DOK4: variants seen among roughly 807,000 people sequenced by gnomAD.
DOK4 encodes the protein docking protein 4, also known as downstream of tyrosine kinase 4.
In DOK4, 26 loss-of-function variants were observed where a neutral mutation model predicts 40.1. The ratio of observed to expected loss-of-function variants is 0.65; its 90% confidence interval spans 0.48 to 0.90. The LOEUF is 0.90. DOK4 is among the 40% of genes least tolerant of loss of function. The pLI is 0.00. For synonymous variants in DOK4, 179 were observed against 177.0 expected (o/e 1.01, Z -0.09); for missense variants, 392 against 437.2 (o/e 0.90, Z 0.92).
chr16:57,473,154 A>C (rs1262474319), exon 9 of DOK4: 1 of 592,842 alleles, frequency 1.7e-6, no homozygotes, highest in Non-Finnish European at 2.9e-6. Context: ...AAAATCATTA[A>C]CAGTATATAG....
intron 1 of DOK4, chr16:57,484,290 C>T (rs1217281857): frequency 1.3e-5 from 2 of 152,278 alleles, no homozygotes; most frequent in Non-Finnish European, 2.9e-5. Context: ...ATCTCAGTGT[C>T]GTCTGGCTGT....
exon 7 of DOK4, chr16:57,473,938 T>C (rs2031014760): frequency 6.2e-7 from 1 of 1,608,308 alleles, no homozygotes; most frequent in Non-Finnish European, 8.5e-7. Context: ...GACCCGCTTG[T>C]GCTGCTCTGC....
At chr16:57,473,376 G>C (rs1244081369) in exon 9 of DOK4, 1 of 1,612,770 alleles carries the variant, frequency 6.2e-7, no homozygotes, top group East Asian at 2.2e-5. Flanking sequence ...CAGCACTGTG[G>C]TCACTGGGAT....
chr16:57,484,813 C>T (rs190910766), intron 1 of DOK4, among the ~76,000 whole-genome samples: 216 of 152,322 alleles, frequency 1.4e-3, no homozygotes, highest in African/African-American at 4.5e-3. Context: ...ACATCAGATG[C>T]GGCTGTCTTC....
chr16:57,475,342 C>A, intron 4 of DOK4, 123 bp from the exon 5 acceptor site: 1 of 1,504,224 alleles, frequency 6.6e-7, no homozygotes. Context: ...GCCTGCCTGT[C>A]TTGCCTCAAC....
rs556558367 is a variant in DOK4, at chr16:57,479,630, G to T, written c.-123C>A. On this transcript the variant is annotated 5_prime_UTR_variant, in exon 2 of 9. Coordinates refer to ENST00000340099, the Ensembl canonical transcript of DOK4. This position sits in a 1 kb window ranked among gnomAD's most constrained non-coding sequence, Gnocchi z 5.8. ...CACTCTGTCGGGGCTGCCGCGAGGG[G>T]CTGCTCCTCACCTCACCCGCCTCAG... 722 of 1,016,894 alleles carry T rather than the reference G, an allele frequency of 7.1e-4. 3 individuals carry two copies. In the African/African-American group the frequency reaches 9.3e-3, roughly 13 times the overall value. The allele number at this position is 1,016,894 out of a possible 1,614,324, so 63.0% of individuals were successfully genotyped here.
exon 6 of DOK4, chr16:57,474,803 C>T (rs766970069): frequency 6.2e-6 from 10 of 1,613,856 alleles, no homozygotes; most frequent in African/African-American, 1.3e-5. Context: ...CGGCCAGCCT[C>T]GAAGGTAAAG....
intron 2 of DOK4, 61 bp from the exon 3 acceptor site, chr16:57,476,018 C>T (rs2031167875): frequency 2.8e-6 from 4 of 1,409,232 alleles, no homozygotes; most frequent in African/African-American, 1.4e-5. Context: ...ACCAGCATGG[C>T]CCTGCAGCCA....
chr16:57,475,915 T>G, exon 3 of DOK4: 2 of 1,613,566 alleles, frequency 1.2e-6, no homozygotes, highest in Non-Finnish European at 1.7e-6. Flanking sequence ...TGGGGCCCCT[T>G]GCTGGAGGAT....
intron 6 of DOK4, among the ~76,000 whole-genome samples, chr16:57,474,497 C>T (rs1174767930): frequency 1.3e-5 from 2 of 152,138 alleles, no homozygotes; most frequent in East Asian, 1.9e-4. Flanking sequence ...ATCCCCGAAA[C>T]CCAGACTCAG....
At chr16:57,481,430 C>T (rs1456993064) in intron 1 of DOK4, 2 of 152,316 alleles carry the variant, frequency 1.3e-5, no homozygotes, top group Non-Finnish European at 1.5e-5. Context: ...GGTCCCCTCA[C>T]TGGCAACTGA....
intron 3 of DOK4, 69 bp from the exon 4 acceptor site, chr16:57,475,689 T>TCC (rs2031130797): frequency 2.5e-6 from 2 of 799,056 alleles, no homozygotes; most frequent in African/African-American, 5.3e-5. Context: ...TCTCTCTCTC[T>TCC]CTCTCTCCCT....
intron 7 of DOK4, 41 bp downstream of exon 7, chr16:57,473,860 C>T (rs750365744): frequency 1.3e-5 from 21 of 1,567,698 alleles, no homozygotes; most frequent in Admixed American, 1.8e-5. Flanking sequence ...CCGCCCGTTC[C>T]CCCCTCCCCC....
At chr16:57,473,134 C>CAT in exon 9 of DOK4, 1 of 558,668 alleles carries the variant, frequency 1.8e-6, no homozygotes, top group Non-Finnish European at 3.2e-6. Context: ...TGTCATAAGC[C>CAT]ATATATATTA....
exon 9 of DOK4, chr16:57,472,368 C>G (rs772026724): frequency 1.3e-5 from 2 of 152,682 alleles, no homozygotes; most frequent in Non-Finnish European, 2.9e-5. Context: ...TGGTAGTCAA[C>G]AAATACCAGC....
At chr16:57,474,199 G>C (rs536357828) in intron 6 of DOK4, among the ~76,000 whole-genome samples, 160 bp from the exon 7 acceptor site, 1 of 152,292 alleles carries the variant, frequency 6.6e-6, no homozygotes, top group South Asian at 2.1e-4. Context: ...CAAATGTGCT[G>C]AGCATATTCT....
intron 1 of DOK4, among the ~76,000 whole-genome samples, chr16:57,483,360 G>A (rs1482559791): frequency 2.0e-5 from 3 of 152,242 alleles, no homozygotes; most frequent in African/African-American, 7.2e-5. Context: ...ACCAGGCACA[G>A]TGGCTCACAC....
intron 1 of DOK4, among the ~76,000 whole-genome samples, chr16:57,482,368 T>G (rs1156447675): frequency 5.7e-5 from 8 of 139,516 alleles, no homozygotes; most frequent in African/African-American, 1.8e-4. Flanking sequence ...CTTTTGTTTT[T>G]TTTTTTTTTT....
chr16:57,475,693 T>TCTCCCC (rs1555516319), intron 3 of DOK4, 73 bp from the exon 4 acceptor site: 11 of 483,780 alleles, frequency 2.3e-5, no homozygotes, highest in African/African-American at 1.2e-4. Flanking sequence ...TCTCTCTCTC[T>TCTCCCC]CTCCCTCCCT....
Sources: allele counts gnomAD v4.1 joint callset (sites outside exome capture counted in the v4.1 genomes callset), GRCh38; gene constraint gnomAD v4.1.1; non-coding constraint Gnocchi (gnomAD v3.1); transcripts MANE v1.5; gene names NCBI Gene and HGNC (gene_info 2026-07-23, HGNC 2026-07-21).